MORC4: variants seen among roughly 807,000 people sequenced by gnomAD.
MORC4 encodes the protein MORC family CW-type zinc finger protein 4.
In MORC4, 22 loss-of-function variants were observed where a neutral mutation model predicts 65.5. That is an observed-to-expected ratio of 0.34 (90% CI 0.24 to 0.48). The LOEUF is 0.48. Ranked by LOEUF, MORC4 falls within the 20% of genes least tolerant of loss-of-function variation. MORC4 has a pLI of 0.99. For synonymous variants in MORC4, 267 were observed against 255.8 expected (o/e 1.04, Z -0.42); for missense variants, 624 against 703.0 (o/e 0.89, Z 1.27).
chrX:106,995,583 C>T (rs941143077), intron 2 of MORC4, among the ~76,000 whole-genome samples: 4 of 111,889 alleles, frequency 3.6e-5, no homozygotes, highest in Non-Finnish European at 7.5e-5. Context: ...ATTTCCTTCT[C>T]TTTATGGCTG....
chrX:106,947,264 AGTCT>A (rs1933851980), intron 14 of MORC4, among the ~76,000 whole-genome samples: 1 of 109,703 alleles, frequency 9.1e-6, no homozygotes, highest in Non-Finnish European at 1.9e-5. Context: ...CCTAACATAC[AGTCT>A]GTCTATCCTG....
rs557687749 is a variant in MORC4, at chrX:106,942,933, C to A, written c.1958G>T (p.Arg653Leu). 5 of 1,210,080 alleles carry A rather than the reference C, an allele frequency of 4.1e-6. No individual in the cohort carries two copies. Among genetic ancestry groups the A allele is most frequent in the Non-Finnish European group, 5.6e-6 (5 of 895,243 alleles). Residue 653 changes from arginine to leucine, a missense_variant, in exon 15 of 17, where the codon CGC becomes CTC. Coordinates refer to ENST00000355610, the MANE Select transcript of MORC4 (RefSeq NM_024657.5). ...TTCTTCAGGAAGCAGGGACCCCTGG[C>A]GTTGGTCTTTGGCCCCTGGATACAG... ...SILYPGAKDQRQGSLLPEELE... is the reference protein window; with the variant it reads ...SILYPGAKDQLQGSLLPEELE...
chrX:106,999,929 G>A lies in MORC4; in HGVS notation c.41C>T (p.Pro14Leu), dbSNP rs1935151267. 1 of 866,324 alleles carries A rather than the reference G, an allele frequency of 1.2e-6. No individual in the cohort carries two copies. Among genetic ancestry groups the A allele is most frequent in the Admixed American group, 5.2e-5 (1 of 19,321 alleles). The allele number at this position is 866,324 out of a possible 1,213,427, so 71.4% of individuals were successfully genotyped here. A position where few individuals can be genotyped will look rare whatever the true frequency, so the allele number is the denominator to read the frequency against. ...GCCGGGCCGGGCCAGCCCGCAGCCCGGCGCGCCAGGGCCGGCGGGGGCCCC... is the reference window on the plus strand; with the variant it reads ...GCCGGGCCGGGCCAGCCCGCAGCCCAGCGCGCCAGGGCCGGCGGGGGCCCC... ...YRGAPAGPGA[P>L]GCGLARPGGG... The change falls in exon 1 of 17, where the codon CCG (proline) becomes CTG (leucine). Residue 14 changes from proline (P) to leucine (L), a missense_variant. Coordinates refer to ENST00000355610, the MANE Select transcript of MORC4 (RefSeq NM_024657.5).
chrX:106,962,855 G>A (rs1056641351), intron 9 of MORC4, among the ~76,000 whole-genome samples: 106 of 111,677 alleles, frequency 9.5e-4, no homozygotes, highest in African/African-American at 3.3e-3. Flanking sequence ...TCCATAACCC[G>A]AGATTACAAC....
At chrX:106,973,668 G>A (rs1934568454) in intron 9 of MORC4, among the ~76,000 whole-genome samples, 1 of 111,939 alleles carries the variant, frequency 8.9e-6, no homozygotes, top group Admixed American at 9.5e-5. Flanking sequence ...AAGTAGAAGA[G>A]TGCAGCAGAA....
At chrX:106,968,204 T>C (rs1285472905) in intron 9 of MORC4, among the ~76,000 whole-genome samples, 6 of 111,382 alleles carry the variant, frequency 5.4e-5, no homozygotes, top group Non-Finnish European at 1.1e-4. Flanking sequence ...GAATTTCATA[T>C]ACAGCCAAAC....
rs188429832 is a variant in MORC4 at position 106,981,341 on chromosome X, T to C, written c.807+4A>G. ...CTCATTGTTGAAAAACCATTCTTAC[T>C]TACCCTTAAAGAATATTCTGTTTCT... On this transcript the variant is annotated splice_donor_region_variant and intron_variant, in intron 6 of 16. Coordinates refer to ENST00000355610, the MANE Select transcript of MORC4 (RefSeq NM_024657.5). 1,017 of 1,187,609 alleles carry C rather than the reference T, an allele frequency of 8.6e-4. 1 individual carries two copies. Among genetic ancestry groups the C allele is most frequent in the Non-Finnish European group, 1.0e-3 (930 of 887,130 alleles).
At chrX:106,971,581 A>AAT (rs1238667924) in intron 9 of MORC4, among the ~76,000 whole-genome samples, 3 of 112,507 alleles carry the variant, frequency 2.7e-5, no homozygotes, top group Non-Finnish European at 5.6e-5. Context: ...ACAAACGGCT[A>AAT]ATATCCAGAA....
chrX:106,957,710 T>C (rs780861210), intron 11 of MORC4, among the ~76,000 whole-genome samples: 1 of 111,709 alleles, frequency 9.0e-6, no homozygotes, highest in Admixed American at 9.5e-5. Flanking sequence ...ACATATGGTA[T>C]ATTAGGAAGA....
At chrX:106,949,090 TC>T (rs1477238183) in intron 14 of MORC4, among the ~76,000 whole-genome samples, 5 of 112,089 alleles carry the variant, frequency 4.5e-5, no homozygotes, top group African/African-American at 1.6e-4. Context: ...TGTTCATTTT[TC>T]TTTTCCACTG....
intron 7 of MORC4, among the ~76,000 whole-genome samples, chrX:106,979,425 T>C (rs1934695339): frequency 9.0e-6 from 1 of 111,513 alleles, no homozygotes; most frequent in Admixed American, 9.6e-5. Flanking sequence ...CTTTCTGTTG[T>C]GCACTTTTAA....
intron 9 of MORC4, among the ~76,000 whole-genome samples, chrX:106,976,094 G>A (rs1240879726): frequency 3.6e-5 from 4 of 111,194 alleles, no homozygotes; most frequent in Middle Eastern, 4.7e-3. Flanking sequence ...CCATAATGTC[G>A]AGTTCCTTTC....
At chrX:106,968,677 C>G (rs1934432279) in intron 9 of MORC4, among the ~76,000 whole-genome samples, 1 of 99,515 alleles carries the variant, frequency 1.0e-5, no homozygotes, top group Non-Finnish European at 2.0e-5. Context: ...GCAGGGGTTG[C>G]AATCTTGGTC....
intron 10 of MORC4, among the ~76,000 whole-genome samples, chrX:106,961,679 G>A (rs964708650): frequency 8.9e-6 from 1 of 111,827 alleles, no homozygotes; most frequent in African/African-American, 3.3e-5. Flanking sequence ...AGGGCACTCT[G>A]ATAGGACAGA....
intron 12 of MORC4, 57 bp downstream of exon 12, chrX:106,956,879 G>T: frequency 2.2e-6 from 2 of 918,704 alleles, no homozygotes; most frequent in Non-Finnish European, 3.1e-6. Context: ...CGTCCTGTAA[G>T]GAAGTGTCAG....
intron 12 of MORC4, 37 bp downstream of exon 12, chrX:106,956,899 C>T: frequency 9.3e-7 from 1 of 1,072,602 alleles, no homozygotes; most frequent in Non-Finnish European, 1.3e-6. Flanking sequence ...GGCTACTCTA[C>T]CCTATGGTAG....
intron 9 of MORC4, among the ~76,000 whole-genome samples, chrX:106,966,129 C>T (rs1934367629): frequency 8.9e-6 from 1 of 112,031 alleles, no homozygotes; most frequent in Admixed American, 9.5e-5. Flanking sequence ...GACTTGATTA[C>T]TTGGGAAATT....
At chrX:106,942,365 C>T in intron 15 of MORC4, 144 bp from the exon 16 acceptor site, 1 of 868,775 alleles carries the variant, frequency 1.2e-6, no homozygotes, top group Non-Finnish European at 1.6e-6. Flanking sequence ...AGGAAGCCTA[C>T]TACAGTTACT....
chrX:106,974,720 G>GT (rs1320566186), intron 9 of MORC4, among the ~76,000 whole-genome samples: 1 of 111,663 alleles, frequency 9.0e-6, no homozygotes, highest in African/African-American at 3.3e-5. Flanking sequence ...ATGATGGCTG[G>GT]TATCTCTTTT....
Sources: gnomAD v4.1 joint callset for allele counts (sites outside exome capture counted in the v4.1 genomes callset) on GRCh38, gnomAD v4.1.1 for gene constraint, MANE v1.5 for transcripts, NCBI Gene and HGNC (gene_info 2026-07-23, HGNC 2026-07-21) for gene names.